Variants in CEP128 observed in about 807,000 individuals in gnomAD.
The protein encoded by CEP128 is centrosomal protein 128, also known as centrosomal protein 128kDa.
A neutral mutation model predicts 156.7 loss-of-function variants in CEP128; 132 were observed. The ratio of observed to expected loss-of-function variants is 0.84; its 90% CI spans 0.73 to 0.97. The LOEUF (loss-of-function observed/expected upper bound fraction) is 0.97. CEP128 is among the 50% of genes least tolerant of loss of function. CEP128 has a pLI of 0.00. For missense variants in CEP128, 1,252 were observed against 1,281.9 expected (o/e 0.98, Z 0.36); for synonymous variants, 469 against 448.9 (o/e 1.04, Z -0.57).
At chr14:80,739,051 C>T (rs1898676287) in intron 19 of CEP128, among the ~76,000 whole-genome samples, 1 of 152,204 alleles carries the variant, frequency 6.6e-6, no homozygotes, top group African/African-American at 2.4e-5. Context: ...TCTACCAACG[C>T]AGGTCATGCC....
intron 2 of CEP128, among the ~76,000 whole-genome samples, chr14:80,922,003 T>G (rs1018038159): frequency 1.8e-4 from 27 of 150,704 alleles, no homozygotes; most frequent in African/African-American, 6.1e-4. Flanking sequence ...TTTTCTACAA[T>G]GATTTGCATT....
intron 19 of CEP128, among the ~76,000 whole-genome samples, chr14:80,654,639 T>C (rs1192109388): frequency 1.3e-5 from 2 of 152,184 alleles, no homozygotes; most frequent in African/African-American, 2.4e-5. Flanking sequence ...CCAAGTGCAA[T>C]GTCCTTTCTT....
chr14:80,699,100 C>T (rs993680650), intron 19 of CEP128, among the ~76,000 whole-genome samples: 6 of 152,176 alleles, frequency 3.9e-5, no homozygotes, highest in African/African-American at 9.7e-5. Context: ...GATACTCAAA[C>T]GGAAATTACT....
chr14:80,737,969 T>C (rs547946088), intron 19 of CEP128, among the ~76,000 whole-genome samples: 1 of 152,298 alleles, frequency 6.6e-6, no homozygotes, highest in East Asian at 1.9e-4. Flanking sequence ...CATTTAGAAA[T>C]CATCCCATAA....
intron 16 of CEP128, among the ~76,000 whole-genome samples, chr14:80,772,720 T>C (rs1595376377): frequency 6.6e-6 from 1 of 152,238 alleles, no homozygotes; most frequent in African/African-American, 2.4e-5. Flanking sequence ...TGCCAATCTG[T>C]GTGCTCCCCC....
At chr14:80,690,624 T>C (rs1189118587) in intron 19 of CEP128, among the ~76,000 whole-genome samples, 3 of 152,300 alleles carry the variant, frequency 2.0e-5, no homozygotes, top group Non-Finnish European at 2.9e-5. Flanking sequence ...TTTCTTTTCA[T>C]ATGTATGAAA....
intron 2 of CEP128, chr14:80,955,589 C>T: frequency 4.6e-6 from 7 of 1,513,314 alleles, no homozygotes; most frequent in South Asian, 2.3e-5. Flanking sequence ...CTCCCGCTCC[C>T]GGGTCTCCTT....
At chr14:80,616,995 T>G (rs975968271) in intron 19 of CEP128, among the ~76,000 whole-genome samples, 1 of 152,060 alleles carries the variant, frequency 6.6e-6, no homozygotes, top group Non-Finnish European at 1.5e-5. Context: ...CATCATATGG[T>G]CCCAGTGGAA....
chr14:80,605,776 A>C (rs972008017), intron 19 of CEP128, among the ~76,000 whole-genome samples: 3 of 152,186 alleles, frequency 2.0e-5, no homozygotes, highest in Admixed American at 2.0e-4. Flanking sequence ...AAGGGCAGTC[A>C]AGCATACTAA....
intron 20 of CEP128, among the ~76,000 whole-genome samples, chr14:80,560,667 T>A (rs545494744): frequency 1.3e-5 from 2 of 152,200 alleles, no homozygotes; most frequent in African/African-American, 4.8e-5. Flanking sequence ...CACAATCTAA[T>A]CAGCTGCCAG....
intron 21 of CEP128, among the ~76,000 whole-genome samples, chr14:80,535,825 C>T (rs1465026598): frequency 6.6e-6 from 1 of 152,106 alleles, no homozygotes; most frequent in Admixed American, 6.5e-5. Context: ...TCTAATAAAC[C>T]CACTGAATCT....
chr14:80,623,813 T>C (rs879316393), intron 19 of CEP128, among the ~76,000 whole-genome samples: 1 of 152,166 alleles, frequency 6.6e-6, no homozygotes, highest in Admixed American at 6.5e-5. Context: ...GTAATAATTG[T>C]ACACATTTAT....
At chr14:80,914,279 A>G (rs778007211) in intron 4 of CEP128, 43 bp downstream of exon 4, 12 of 1,468,296 alleles carry the variant, frequency 8.2e-6, no homozygotes, top group Non-Finnish European at 1.1e-5. Flanking sequence ...TTCATTCCCA[A>G]AAAGGTGGGT....
chr14:80,695,473 T>C (rs1896859015), intron 19 of CEP128, among the ~76,000 whole-genome samples: 1 of 151,686 alleles, frequency 6.6e-6, no homozygotes, highest in East Asian at 2.0e-4. Context: ...CCCAGCACTT[T>C]GGGAGGCCAA....
chr14:80,490,491 T>G (rs2140158281), exon 7 of CEP128: 1 of 152,290 alleles, frequency 6.6e-6, no homozygotes, highest in South Asian at 2.1e-4. Flanking sequence ...CATTTGCAAC[T>G]TTTATAATCA....
chr14:80,838,357 G>A, intron 10 of CEP128, 79 bp from the exon 11 acceptor site: 1 of 999,758 alleles, frequency 1.0e-6, no homozygotes, highest in Middle Eastern at 2.1e-4. Context: ...CAGTTTAAAA[G>A]GAGAAAAGTG....
chr14:80,853,143 G>A (rs1886978051), intron 9 of CEP128, among the ~76,000 whole-genome samples: 1 of 151,596 alleles, frequency 6.6e-6, no homozygotes, highest in South Asian at 2.1e-4. Flanking sequence ...AGGAATAGAA[G>A]GCAATGTTCT....
chr14:80,601,970 T>G (rs1892598029), intron 19 of CEP128, among the ~76,000 whole-genome samples: 2 of 152,074 alleles, frequency 1.3e-5, no homozygotes, highest in Admixed American at 6.6e-5. Flanking sequence ...ATGCTATCTA[T>G]AAGAGAAATA....
In CEP128 at chr14:80,526,938, T is replaced by C; in HGVS notation, c.3003A>G (p.Lys1001=). ...SSERTDGRYS[K]YRVRRNSLQH... is the part of the protein sequence containing the mutation. The stretch of plus-strand genomic sequence containing the variant: ...GAAGAGAATTTCTGCGAACCCTGTA[T>C]TTGGAATATCTTCCATCAGTTCTCT... The change falls in exon 23 of 25, where the codon AAA becomes AAG. Residue 1001 remains lysine (K), a synonymous_variant. Transcript: ENST00000555265. 1 of 1,610,804 alleles carries C rather than the reference T, an allele frequency of 6.2e-7. No homozygotes were observed. The highest frequency in any genetic ancestry group is 8.5e-7 in the Non-Finnish European group (1 of 1,178,480).
Sources: gnomAD v4.1 joint callset for allele counts (sites outside exome capture counted in the v4.1 genomes callset) on GRCh38, gnomAD v4.1.1 for gene constraint, MANE v1.5 for transcripts, NCBI Gene and HGNC (gene_info 2026-07-23, HGNC 2026-07-21) for gene names.